The following PRPF18 variants were observed in gnomAD, a reference collection of about 807,000 sequenced individuals.
The protein encoded by PRPF18 is pre-mRNA processing factor 18.
In PRPF18, 38 loss-of-function variants were observed where a neutral mutation model predicts 46.5. The observed-to-expected ratio is 0.82, with a 90% CI of 0.63 to 1.07. The LOEUF (loss-of-function observed/expected upper bound fraction) is 1.07. Ranked by LOEUF, PRPF18 falls within the 50% of genes least tolerant of loss-of-function variation. PRPF18 has a pLI of 0.00. For missense variants in PRPF18, 263 were observed against 410.0 expected, an observed-to-expected ratio of 0.64 and a Z score of 3.10; for synonymous variants, 152 against 146.7, an observed-to-expected ratio of 1.04 and a Z score of -0.26.
intron 4 of PRPF18, 94 bp from the exon 5 acceptor site, chr10:13,609,945 A>G (rs940353938): frequency 2.2e-6 from 3 of 1,344,914 alleles, no homozygotes; most frequent in Non-Finnish European, 3.1e-6. Context: ...TGTGGGGGAA[A>G]AAATATTTGC....
At chr10:13,592,443 T>C (rs1042086414) in intron 1 of PRPF18, 1 of 191,270 alleles carries the variant, frequency 5.2e-6, no homozygotes, top group East Asian at 1.3e-4. Flanking sequence ...CTGTGTGGTG[T>C]TGCTCTTGCA....
intron 8 of PRPF18, among the ~76,000 whole-genome samples, chr10:13,614,766 C>T (rs2080317509): frequency 6.6e-6 from 1 of 152,100 alleles, no homozygotes; most frequent in African/African-American, 2.4e-5. Context: ...TCAGTTGGTA[C>T]AGGGGAACAA....
chr10:13,626,401 A>G (rs1295588295), intron 9 of PRPF18, among the ~76,000 whole-genome samples: 1 of 152,224 alleles, frequency 6.6e-6, no homozygotes, highest in East Asian at 1.9e-4. Flanking sequence ...AAAAGGGGAA[A>G]AAAACTTATG....
chr10:13,599,614 A>G (rs1157577568), intron 2 of PRPF18, among the ~76,000 whole-genome samples: 1 of 152,188 alleles, frequency 6.6e-6, no homozygotes, highest in African/African-American at 2.4e-5. Context: ...AAGAATGCCC[A>G]CTGTTTTCCT....
chr10:13,623,089 T>C (rs2080443809), intron 9 of PRPF18, among the ~76,000 whole-genome samples: 1 of 151,838 alleles, frequency 6.6e-6, no homozygotes, highest in South Asian at 2.1e-4. Context: ...TAGTCCCAGC[T>C]ACTCGGGAGG....
chr10:13,613,902 C>CT (rs1564458495), intron 7 of PRPF18, 21 bp downstream of exon 7: 2 of 1,593,256 alleles, frequency 1.3e-6, no homozygotes, highest in Admixed American at 1.8e-5. Context: ...TTGGAAAATA[C>CT]TTTTTTTAAC....
At chr10:13,650,039 C>T in the PRPF18 span, among the ~76,000 whole-genome samples, 1 of 152,140 alleles carries the variant, frequency 6.6e-6, no homozygotes, top group Non-Finnish European at 1.5e-5. Flanking sequence ...GCAAGAATGC[C>T]CTTTCCCAGG....
At chr10:13,625,467 A>G (rs1223114977) in intron 9 of PRPF18, among the ~76,000 whole-genome samples, 2 of 152,260 alleles carry the variant, frequency 1.3e-5, no homozygotes, top group African/African-American at 4.8e-5. Flanking sequence ...GTTAGAAGAT[A>G]AAGTTGAAAT....
intron 1 of PRPF18, among the ~76,000 whole-genome samples, chr10:13,595,035 G>C (rs570928824): frequency 6.6e-6 from 1 of 152,300 alleles, no homozygotes; most frequent in African/African-American, 2.4e-5. Flanking sequence ...ACATTCTTAA[G>C]AGAAACTAGA....
chr10:13,653,199 G>A, the PRPF18 span: 1 of 151,700 alleles, frequency 6.6e-6, no homozygotes, highest in Admixed American at 6.5e-5. Context: ...AGAAAACCTG[G>A]TGTAAAAAAA....
intron 6 of PRPF18, among the ~76,000 whole-genome samples, chr10:13,611,906 T>A (rs1158104705): frequency 6.8e-6 from 1 of 146,586 alleles, no homozygotes; most frequent in African/African-American, 2.5e-5. Context: ...GGAAACAGAG[T>A]CTTGCTCTTG....
chr10:13,597,722 T>A, intron 2 of PRPF18, 187 bp downstream of exon 2: 1 of 1,485,986 alleles, frequency 6.7e-7, no homozygotes, highest in Non-Finnish European at 9.2e-7. Flanking sequence ...TTCAGGAAAA[T>A]ACATGCATGA....
chr10:13,593,776 G>T (rs2079996713), intron 1 of PRPF18, among the ~76,000 whole-genome samples: 1 of 152,202 alleles, frequency 6.6e-6, no homozygotes, highest in Non-Finnish European at 1.5e-5. Context: ...GACTGGAGTT[G>T]GGAGGAATTT....
chr10:13,654,634 G>A, the PRPF18 span: 26 of 652,740 alleles, frequency 4.0e-5, no homozygotes, highest in African/African-American at 2.7e-4. Context: ...CAGGGATGCT[G>A]GGAAGGACCC....
chr10:13,595,939 C>T (rs1222239036), intron 1 of PRPF18, among the ~76,000 whole-genome samples: 1 of 152,146 alleles, frequency 6.6e-6, no homozygotes, highest in Non-Finnish European at 1.5e-5. Context: ...TCCTTTAAAA[C>T]CAAAATATGA....
intron 4 of PRPF18, among the ~76,000 whole-genome samples, chr10:13,609,139 A>G (rs2080234902): frequency 6.6e-6 from 1 of 152,248 alleles, no homozygotes; most frequent in Non-Finnish European, 1.5e-5. Flanking sequence ...ACATTGGTTG[A>G]ATGTGCACCG....
At chr10:13,627,800 T>A (rs992361876) in intron 9 of PRPF18, among the ~76,000 whole-genome samples, 1 of 152,198 alleles carries the variant, frequency 6.6e-6, no homozygotes, top group Non-Finnish European at 1.5e-5. Context: ...AGCACACACC[T>A]AAGATTCCAA....
At chr10:13,633,880 G>T (rs2080612051), downstream of PRPF18, among the ~76,000 whole-genome samples, 2 of 152,234 alleles carry the variant, frequency 1.3e-5, no homozygotes, top group Admixed American at 6.5e-5. Flanking sequence ...GAGCGCAAGA[G>T]CCAGCGCCAG....
chr10:13,626,093 G>A lies in PRPF18; in HGVS notation c.949-4167G>A, dbSNP rs116276221. 6.3e-3 allele frequency among the ~76,000 whole-genome samples: 956 copies of A among 152,316 alleles called. 14 individuals carry two copies. The highest frequency in any genetic ancestry group is 0.021 in the African/African-American group (886 of 41,554). ...CATGGCTAGTCAGTGGTAGAATTGGGATTGGAATGTGGGCAGTCTTGACTC... is the reference window on the plus strand; with the variant it reads ...CATGGCTAGTCAGTGGTAGAATTGGAATTGGAATGTGGGCAGTCTTGACTC... On this transcript the variant is annotated intron_variant, in intron 9 of 9. Coordinates refer to ENST00000378572, the MANE Select transcript of PRPF18 (RefSeq NM_003675.4).
Sources: gnomAD v4.1 joint callset for allele counts (sites outside exome capture counted in the v4.1 genomes callset) on GRCh38, gnomAD v4.1.1 for gene constraint, MANE v1.5 for transcripts, NCBI Gene and HGNC (gene_info 2026-07-23, HGNC 2026-07-21) for gene names.